CTNNA3: variants seen among roughly 807,000 people sequenced by gnomAD.
The protein encoded by CTNNA3 is catenin alpha 3, also known as catenin alpha-3.
Under a neutral mutation model 95.7 loss-of-function variants are expected in CTNNA3, and 76 were observed. The observed-to-expected ratio is 0.79, with a 90% CI of 0.66 to 0.96. The LOEUF (loss-of-function observed/expected upper bound fraction) is 0.96. CTNNA3 is among the 40% of genes least tolerant of loss of function. CTNNA3 has a pLI of 0.00. For synonymous variants in CTNNA3, 431 were observed against 374.4 expected (o/e 1.15, Z -1.74); for missense variants, 1,191 against 1,089.8 (o/e 1.09, Z -1.31).
intron 2 of CTNNA3, among the ~76,000 whole-genome samples, chr10:67,620,923 G>GTGTGTGTA (rs1402402526): frequency 1.5e-4 from 19 of 123,852 alleles, no homozygotes; most frequent in Non-Finnish European, 2.2e-4. Flanking sequence ...GTGTGTGTGT[G>GTGTGTGTA]TATATATATA....
chr10:67,284,041 G>C (rs925014610), intron 5 of CTNNA3, among the ~76,000 whole-genome samples: 3 of 152,156 alleles, frequency 2.0e-5, no homozygotes, highest in African/African-American at 7.2e-5. Flanking sequence ...AACCTTCAGA[G>C]GGCTGGGGTG....
intron 5 of CTNNA3, among the ~76,000 whole-genome samples, chr10:67,477,962 G>A (rs1382641300): frequency 6.6e-6 from 1 of 152,156 alleles, no homozygotes; most frequent in Non-Finnish European, 1.5e-5. Flanking sequence ...AGGACATGAG[G>A]AAAGAGATAA....
At chr10:66,907,403 G>A (rs1199772205) in intron 7 of CTNNA3, among the ~76,000 whole-genome samples, 3 of 152,008 alleles carry the variant, frequency 2.0e-5, no homozygotes, top group Non-Finnish European at 2.9e-5. Flanking sequence ...GAGCCTCTTA[G>A]ATATTTCAGG....
chr10:66,724,351 G>A (rs75809426), intron 9 of CTNNA3, among the ~76,000 whole-genome samples: 117 of 152,244 alleles, frequency 7.7e-4, no homozygotes, highest in Non-Finnish European at 1.4e-3. Context: ...GTTAACAAAT[G>A]GTCCTAAGAC....
intron 13 of CTNNA3, among the ~76,000 whole-genome samples, chr10:66,156,478 A>C (rs879547239): frequency 6.6e-6 from 1 of 151,960 alleles, no homozygotes; most frequent in Non-Finnish European, 1.5e-5. Flanking sequence ...ATATTTATTC[A>C]ATGCTTTCTG....
chr10:67,496,139 A>T (rs973003669), intron 5 of CTNNA3, among the ~76,000 whole-genome samples: 1 of 152,204 alleles, frequency 6.6e-6, no homozygotes, highest in African/African-American at 2.4e-5. Context: ...CCTTCTTTCC[A>T]TAAATTGACT....
At chr10:67,397,466 T>A (rs1002304847) in intron 5 of CTNNA3, among the ~76,000 whole-genome samples, 2 of 152,148 alleles carry the variant, frequency 1.3e-5, no homozygotes, top group African/African-American at 4.8e-5. Flanking sequence ...ATTTAGGGTA[T>A]CTGGCAGAAT....
chr10:67,287,604 A>G (rs887212843), intron 5 of CTNNA3, among the ~76,000 whole-genome samples: 1 of 152,176 alleles, frequency 6.6e-6, no homozygotes, highest in Non-Finnish European at 1.5e-5. Context: ...GTAGCCATTC[A>G]TACCCAGCTC....
intron 14 of CTNNA3, among the ~76,000 whole-genome samples, chr10:66,088,532 T>C (rs867559983): frequency 2.0e-4 from 29 of 145,368 alleles, no homozygotes; most frequent in African/African-American, 6.5e-4. Context: ...TGTGTGTGTG[T>C]ATACTGAGTG....
At chr10:66,743,224 C>T (rs1589199357) in intron 9 of CTNNA3, among the ~76,000 whole-genome samples, 1 of 152,204 alleles carries the variant, frequency 6.6e-6, no homozygotes, top group Middle Eastern at 3.4e-3. Context: ...TTGTAATATT[C>T]TTTCAGACAT....
chr10:66,168,147 A>G (rs541856563), intron 13 of CTNNA3, among the ~76,000 whole-genome samples: 7 of 152,204 alleles, frequency 4.6e-5, no homozygotes, highest in Non-Finnish European at 8.8e-5. Context: ...TGAACAATAT[A>G]TAACTGTGAG....
rs756807793 is a variant in CTNNA3 at position 66,508,210 on chromosome 10, G to GTTTTTTTTTTTTTT, written c.1531+12393_1531+12406dup. Among the ~76,000 whole-genome samples the GTTTTTTTTTTTTTT allele has an allele frequency of 3.7e-4, 40 of 108,412 alleles. 2 individuals are homozygous for GTTTTTTTTTTTTTT. The highest frequency in any genetic ancestry group is 1.4e-3 in the African/African-American group (39 of 28,304). The allele number at this position is 108,412 out of a possible 152,430, so 71.1% of individuals were successfully genotyped here. ...TTTTTTTTGTTTTGTTTTGTTTTCT[G>GTTTTTTTTTTTTTT]TTTTTTTTTTTTTTAACAATTTCGT... On this transcript the variant is annotated intron_variant, in intron 11 of 17. Transcript: ENST00000433211.
chr10:66,710,619 A>G (rs1410088322), intron 9 of CTNNA3, among the ~76,000 whole-genome samples: 1 of 151,924 alleles, frequency 6.6e-6, no homozygotes, highest in Non-Finnish European at 1.5e-5. Context: ...GCTTAGTTGA[A>G]TTTAGAAAAA....
intron 7 of CTNNA3, among the ~76,000 whole-genome samples, chr10:66,953,353 T>C (rs566993656): frequency 6.6e-6 from 1 of 152,308 alleles, no homozygotes; most frequent in Admixed American, 6.5e-5. Flanking sequence ...CCCTAGTAAA[T>C]GCTCACTGCC....
chr10:66,599,319 T>C lies in CTNNA3; in HGVS notation c.1374+22373A>G, dbSNP rs1374888907. Among the ~76,000 whole-genome samples, 5 of 152,052 alleles carry C rather than the reference T, an allele frequency of 3.3e-5. 1 individual carries two copies. Among genetic ancestry groups the C allele is most frequent in the African/African-American group, 1.2e-4 (5 of 41,432 alleles). Reference sequence around the variant, plus strand: ...GGAAAGATAGCTGTCAACTCTTTATTAACATCCACAAAGCTTGGTTCATAG... The same window carrying C: ...GGAAAGATAGCTGTCAACTCTTTATCAACATCCACAAAGCTTGGTTCATAG... On this transcript the variant is annotated intron_variant, in intron 10 of 17. Transcript: ENST00000433211.
intron 10 of CTNNA3, among the ~76,000 whole-genome samples, chr10:66,605,559 A>G (rs1844090807): frequency 6.6e-6 from 1 of 152,130 alleles, no homozygotes; most frequent in African/African-American, 2.4e-5. Context: ...TGCTAGAGAG[A>G]AAGGCCAGGT....
intron 15 of CTNNA3, among the ~76,000 whole-genome samples, chr10:66,001,430 T>C (rs1286685201): frequency 6.6e-6 from 1 of 152,178 alleles, no homozygotes; most frequent in African/African-American, 2.4e-5. Flanking sequence ...ATTTTATTTC[T>C]AACATTCAAA....
At chr10:67,228,166 A>G (rs1865017017) in intron 5 of CTNNA3, among the ~76,000 whole-genome samples, 1 of 152,168 alleles carries the variant, frequency 6.6e-6, no homozygotes. Context: ...AAGAAAGGAA[A>G]TAACCAAGAT....
chr10:66,351,726 A>T (rs2092568427), intron 12 of CTNNA3, among the ~76,000 whole-genome samples: 1 of 152,042 alleles, frequency 6.6e-6, no homozygotes, highest in Non-Finnish European at 1.5e-5. Context: ...AGGTCAAGAC[A>T]ACTTCCTAGT....
Sources: gnomAD v4.1 joint callset for allele counts (sites outside exome capture counted in the v4.1 genomes callset) on GRCh38, gnomAD v4.1.1 for gene constraint, MANE v1.5 for transcripts, NCBI Gene and HGNC (gene_info 2026-07-23, HGNC 2026-07-21) for gene names.